The following MCM3 variants were observed in gnomAD, a reference collection of about 807,000 sequenced individuals.
MCM3 encodes DNA replication licensing factor MCM3.
MCM3 carries 59 observed loss-of-function variants against 91.3 expected under a neutral mutation model. That is an observed-to-expected ratio of 0.65 (90% CI 0.52 to 0.80). The LOEUF (loss-of-function observed/expected upper bound fraction) is 0.80, where lower values mean the gene tolerates loss of function less well. Ranked by LOEUF, MCM3 falls within the 30% of genes least tolerant of loss-of-function variation. The pLI, the probability that MCM3 is intolerant of heterozygous loss-of-function variation, is 0.00. For synonymous variants in MCM3, 383 were observed against 379.6 expected (o/e 1.01, Z -0.10); for missense variants, 919 against 1,035.4 (o/e 0.89, Z 1.54).
chr6:52,266,036 C>T (rs958443024), intron 16 of MCM3, 39 bp downstream of exon 16: 6 of 1,584,804 alleles, frequency 3.8e-6, no homozygotes, highest in Non-Finnish European at 5.2e-6. Context: ...CAGCGATACA[C>T]AGAATTCTTG....
At chr6:52,274,104 C>A (rs1424003525) in intron 9 of MCM3, among the ~76,000 whole-genome samples, 188 bp from the exon 10 acceptor site, 1 of 152,128 alleles carries the variant, frequency 6.6e-6, no homozygotes, top group Admixed American at 6.5e-5. Context: ...ACCTGCAACC[C>A]TTCTTTAACT....
In MCM3 at chr6:52,272,401, T is replaced by C. The variant is rs139827299; in HGVS notation, c.1727A>G (p.Lys576Arg). ...AFMKKYIHVAKIIKPVLTQES... is the reference protein window; with the variant it reads ...AFMKKYIHVARIIKPVLTQES... ...CTGTGTCAGGACAGGCTTGATGATT[T>C]TGGCCACATGGATGTACTTCTTCAT... The change falls in exon 12 of 17, where the codon AAA (lysine) becomes AGA (arginine). Residue 576 changes from lysine to arginine, a missense_variant. This residue lies in a region of MCM3 where 285 missense variants were observed against 311.4 expected (regional missense o/e 0.92). Transcript: ENST00000596288. 2.5e-5 allele frequency: 40 copies of C among 1,614,198 alleles called. No individual in the cohort carries two copies. In the African/African-American group the frequency reaches 4.0e-4, roughly 16 times the overall value.
chr6:52,267,946 C>G lies in MCM3; in HGVS notation c.1991G>C (p.Arg664Pro). 1.2e-6 allele frequency: 2 copies of G among 1,610,276 alleles called. No individual in the cohort carries two copies. Among genetic ancestry groups the G allele is most frequent in the Non-Finnish European group, 1.7e-6 (2 of 1,176,550 alleles). Residue 664 changes from arginine (R) to proline (P), a missense_variant, in exon 14 of 17, where the codon CGT becomes CCT. Arg to Pro is a moderately radical substitution (Grantham distance 103). Transcript: ENST00000596288. Reference sequence around the variant, plus strand: ...TGATTCATCCTCACTTCGCTTCTTACGTTTCTTCTCCTTCTCCAGAACCTA... The same window carrying G: ...TGATTCATCCTCACTTCGCTTCTTAGGTTTCTTCTCCTTCTCCAGAACCTA... ...FKKVLEKEKK[R>P]KKRSEDESET...
intron 9 of MCM3, 101 bp from the exon 10 acceptor site, chr6:52,274,017 CAA>C: frequency 1.2e-6 from 1 of 866,886 alleles, no homozygotes; most frequent in Non-Finnish European, 1.8e-6. Flanking sequence ...GGCTTGACCT[CAA>C]AGAGCAAAAC....
intron 1 of MCM3, 73 bp downstream of exon 1, chr6:52,284,513 GTCTGGCGGGCC>G: frequency 7.7e-7 from 1 of 1,295,042 alleles, no homozygotes; most frequent in South Asian, 1.3e-5. Context: ...CGGTCTGGAG[GTCTGGCGGGCC>G]TCTGGCTTCC....
Position 52,266,606 on chromosome 6 carries a change from C to A in MCM3, c.2158+5G>T. On this transcript the variant is annotated splice_donor_5th_base_variant and intron_variant, in intron 15 of 16. Coordinates refer to ENST00000596288, the MANE Select transcript of MCM3 (RefSeq NM_002388.6). ...CCTCTTTCATCAGTAAGTGGGCTCACTCACCTTGAGGCATTTCCTCCTCTG... is the reference window on the plus strand; with the variant it reads ...CCTCTTTCATCAGTAAGTGGGCTCAATCACCTTGAGGCATTTCCTCCTCTG... The A allele has an allele frequency of 6.2e-7, 1 of 1,613,562 alleles. No individual in the cohort carries two copies. The highest frequency in any genetic ancestry group is 8.5e-7 in the Non-Finnish European group (1 of 1,179,488).
chr6:52,277,836 A>C (rs1765718709), intron 6 of MCM3, 148 bp from the exon 7 acceptor site: 1 of 612,844 alleles, frequency 1.6e-6, no homozygotes, highest in Non-Finnish European at 2.8e-6. Context: ...TGGGAGGCCG[A>C]GGCAGGCAGA....
chr6:52,283,913 A>G (rs1766395987), intron 1 of MCM3, among the ~76,000 whole-genome samples: 1 of 152,082 alleles, frequency 6.6e-6, no homozygotes, highest in Non-Finnish European at 1.5e-5. Flanking sequence ...GTCACATTAA[A>G]ATGGCTTTTC....
At chr6:52,268,089 C>A in intron 13 of MCM3, 121 bp from the exon 14 acceptor site, 1 of 1,354,462 alleles carries the variant, frequency 7.4e-7, no homozygotes, top group Non-Finnish European at 1.0e-6. Context: ...CAATGGTTTA[C>A]CTAGCTCCTC....
chr6:52,276,522 G>C (rs1354423339), intron 8 of MCM3, 46 bp from the exon 9 acceptor site: 1 of 1,450,986 alleles, frequency 6.9e-7, no homozygotes, highest in Non-Finnish European at 9.5e-7. Flanking sequence ...CTAGGTTATA[G>C]GGGCCAGAAG....
At chr6:52,279,094 C>T (rs1765836977) in intron 5 of MCM3, among the ~76,000 whole-genome samples, 2 of 152,074 alleles carry the variant, frequency 1.3e-5, no homozygotes, top group South Asian at 2.1e-4. Flanking sequence ...TGTATGGGGA[C>T]GAAGTGTAAT....
In MCM3 at chr6:52,276,420, T is replaced by C. The variant is rs1765568367; in HGVS notation, c.1222A>G (p.Ile408Val). ...TCAGACATTTTGTCAAATTCATCAA[T>C]GCAAACCACGCCTCGGTCAGCCAGG... ...MVLADRGVVC[I>V]DEFDKMSDMD... Residue 408 changes from isoleucine (I) to valine (V), a missense_variant, in exon 9 of 17, where the codon ATT (isoleucine) becomes GTT (valine). By Grantham distance (29) the Ile-to-Val change is conservative. Transcript: ENST00000596288. 1.9e-6 allele frequency: 3 copies of C among 1,614,184 alleles called. No homozygotes were observed. The highest frequency in any genetic ancestry group is 1.1e-5 in the South Asian group (1 of 91,074).
intron 16 of MCM3, 62 bp downstream of exon 16, chr6:52,266,012 CA>C: frequency 2.1e-6 from 3 of 1,452,096 alleles, no homozygotes; most frequent in Non-Finnish European, 2.9e-6. Context: ...TCCAAGGGAA[CA>C]AAGTCCCTTC....
chr6:52,271,656 C>CAA (rs1357654449), intron 12 of MCM3, among the ~76,000 whole-genome samples: 4 of 152,000 alleles, frequency 2.6e-5, no homozygotes, highest in African/African-American at 4.8e-5. Context: ...AAAACAAAAA[C>CAA]AAAAACAAAA....
intron 4 of MCM3, among the ~76,000 whole-genome samples, chr6:52,280,360 A>G (rs1474702776): frequency 1.3e-5 from 2 of 152,234 alleles, no homozygotes; most frequent in African/African-American, 4.8e-5. Flanking sequence ...TTTTCTAAAA[A>G]CACAGTTGTC....
At chr6:52,272,597 A>G in intron 11 of MCM3, 146 bp from the exon 12 acceptor site, 2 of 684,700 alleles carry the variant, frequency 2.9e-6, no homozygotes, top group South Asian at 5.4e-5. Context: ...CATAGACAAG[A>G]CTCTTTCACA....
At chr6:52,266,571 AC>A in intron 15 of MCM3, 39 bp downstream of exon 15, 1 of 1,572,730 alleles carries the variant, frequency 6.4e-7, no homozygotes, top group Non-Finnish European at 8.8e-7. Flanking sequence ...TCCAAGAGTC[AC>A]AGGAACAACC....
chr6:52,266,740 C>G, intron 14 of MCM3, 44 bp from the exon 15 acceptor site: 1 of 1,513,194 alleles, frequency 6.6e-7, no homozygotes, highest in Non-Finnish European at 9.2e-7. Flanking sequence ...AGTTTGGAGA[C>G]AGAAAGGCAA....
intron 4 of MCM3, among the ~76,000 whole-genome samples, chr6:52,280,158 C>T (rs1465191150): frequency 2.0e-5 from 3 of 152,066 alleles, no homozygotes; most frequent in Admixed American, 6.5e-5. Context: ...GAAAGTAATC[C>T]ATACTGTTAG....
Sources: gnomAD v4.1 joint callset for allele counts (sites outside exome capture counted in the v4.1 genomes callset) on GRCh38, gnomAD v4.1.1 for gene constraint, gnomAD v4.1.1 regional missense constraint, MANE v1.5 for transcripts, NCBI Gene and HGNC (gene_info 2026-07-23, HGNC 2026-07-21) for gene names.